PDE1A: variants seen among roughly 807,000 people sequenced by gnomAD.
PDE1A encodes the protein phosphodiesterase 1A.
In PDE1A, 35 loss-of-function variants were observed where a neutral mutation model predicts 61.7. That is an observed-to-expected ratio of 0.57 (90% CI 0.43 to 0.75). The LOEUF is 0.75. Ranked by LOEUF, PDE1A falls within the 30% of genes least tolerant of loss-of-function variation. PDE1A has a pLI of 0.00. For synonymous variants in PDE1A, 232 were observed against 213.2 expected (o/e 1.09, Z -0.77); for missense variants, 597 against 630.6 (o/e 0.95, Z 0.57).
At chr2:182,601,101 C>G in the PDE1A span, among the ~76,000 whole-genome samples, 1 of 152,250 alleles carries the variant, frequency 6.6e-6, no homozygotes, top group African/African-American at 2.4e-5. Flanking sequence ...CCAGCTTGTT[C>G]CACCCACTCG....
intron 1 of PDE1A, among the ~76,000 whole-genome samples, chr2:182,293,633 A>G (rs1001368807): frequency 5.3e-5 from 8 of 152,152 alleles, no homozygotes; most frequent in Non-Finnish European, 1.2e-4. Context: ...GTCTGAAACT[A>G]CAGAAAGTAC....
At chr2:182,140,913 A>G (rs1467915164) in exon 15 of PDE1A, 1 of 152,024 alleles carries the variant, frequency 6.6e-6, no homozygotes, top group East Asian at 1.9e-4. Flanking sequence ...TAAGTACAGC[A>G]GTAGCATGAC....
chr2:182,187,475 A>T (rs1685307584), intron 11 of PDE1A, among the ~76,000 whole-genome samples: 1 of 152,174 alleles, frequency 6.6e-6, no homozygotes, highest in Non-Finnish European at 1.5e-5. Flanking sequence ...AGAGCAATGG[A>T]CTACCACCTG....
chr2:182,281,309 G>GA (rs1383451343), intron 1 of PDE1A, among the ~76,000 whole-genome samples: 2 of 151,804 alleles, frequency 1.3e-5, no homozygotes, highest in Admixed American at 6.6e-5. Flanking sequence ...ATGTCCAGTG[G>GA]AAAGAAATGC....
At chr2:182,158,326 CTGTCCTG>C in intron 13 of PDE1A, among the ~76,000 whole-genome samples, 2 of 152,222 alleles carry the variant, frequency 1.3e-5, no homozygotes, top group South Asian at 4.1e-4. Context: ...AACAGGTTAA[CTGTCCTG>C]ATGGAGGCAA....
intron 2 of PDE1A, among the ~76,000 whole-genome samples, chr2:182,432,124 C>T (rs1218341912): frequency 9.9e-5 from 15 of 152,046 alleles, no homozygotes. Context: ...CCTTCAACTC[C>T]CTGTATGTCA....
chr2:182,302,863 A>C (rs1695335918), intron 1 of PDE1A, among the ~76,000 whole-genome samples: 1 of 152,164 alleles, frequency 6.6e-6, no homozygotes, highest in Non-Finnish European at 1.5e-5. Context: ...AACAATGTTC[A>C]CAGCATCTTC....
chr2:182,548,951 A>C, the PDE1A span, among the ~76,000 whole-genome samples: 5 of 152,234 alleles, frequency 3.3e-5, no homozygotes, highest in Non-Finnish European at 5.9e-5. Context: ...GGAAGCAGAG[A>C]TGTGTTTAAG....
chr2:182,448,421 T>A (rs544581485), intron 2 of PDE1A, among the ~76,000 whole-genome samples: 48 of 152,190 alleles, frequency 3.2e-4, no homozygotes, highest in African/African-American at 1.1e-3. Context: ...ATGTTTCCCT[T>A]GTTGAAGTCT....
downstream of PDE1A, among the ~76,000 whole-genome samples, chr2:182,164,433 C>T (rs1363960524): frequency 6.6e-6 from 1 of 152,048 alleles, no homozygotes; most frequent in Non-Finnish European, 1.5e-5. Flanking sequence ...GTGTATAGAC[C>T]TCTCTGAGTG....
Position 182,250,565 on chromosome 2 carries a change from T to A in PDE1A, c.168-10273A>T, listed in dbSNP as rs534603033. On this transcript the variant is annotated intron_variant, in intron 2 of 13. Transcript: ENST00000351439. ...CCAATTTATCTCAATAGCTTTTTTT[T>A]AAAAAAAAGTTTCCTGATAGATTTG... is the stretch of plus-strand genomic sequence containing the variant. Among the ~76,000 whole-genome samples the A allele has an allele frequency of 2.4e-4, 36 of 152,076 alleles. 1 individual carries two copies. The highest frequency in any genetic ancestry group is 7.7e-4 in the East Asian group (4 of 5,186).
chr2:182,696,186 T>G, the PDE1A span, among the ~76,000 whole-genome samples: 2 of 152,342 alleles, frequency 1.3e-5, no homozygotes, highest in African/African-American at 4.8e-5. Flanking sequence ...ACTTTATTCA[T>G]AATTGCCAAA....
intron 2 of PDE1A, among the ~76,000 whole-genome samples, chr2:182,476,463 T>C (rs1403924276): frequency 6.6e-6 from 1 of 151,930 alleles, no homozygotes; most frequent in African/African-American, 2.4e-5. Flanking sequence ...CACTCAAACC[T>C]GGGCAACAAA....
intron 8 of PDE1A, among the ~76,000 whole-genome samples, chr2:182,203,366 T>TCATGAG (rs1252066858): frequency 1.3e-5 from 2 of 152,026 alleles, no homozygotes; most frequent in African/African-American, 4.8e-5. Flanking sequence ...TTGCTGAAAA[T>TCATGAG]CATGAGCACT....
chr2:182,491,588 GTCCTAAGAAGAAAGACGAAATA>G, intron 2 of PDE1A, among the ~76,000 whole-genome samples: 1 of 152,322 alleles, frequency 6.6e-6, no homozygotes, highest in Admixed American at 6.5e-5. Flanking sequence ...CTGGACATTT[GTCCTAAGAAGAAAGACGAAATA>G]TGGGAAAGCT....
chr2:182,148,203 A>C (rs1196058), intron 13 of PDE1A, among the ~76,000 whole-genome samples: 114,161 of 152,032 alleles, frequency 0.75, 43,156 homozygotes, highest in East Asian at 0.9. Flanking sequence ...TCATGTAATA[A>C]ACATCGTCAA....
the PDE1A span, among the ~76,000 whole-genome samples, chr2:182,577,834 C>A: frequency 6.6e-6 from 1 of 151,946 alleles, no homozygotes; most frequent in South Asian, 2.1e-4. Context: ...GTAGGAGAAT[C>A]GCTTGAACCT....
intron 1 of PDE1A, among the ~76,000 whole-genome samples, chr2:182,298,670 A>C (rs1695045258): frequency 6.6e-6 from 1 of 152,078 alleles, no homozygotes; most frequent in South Asian, 2.1e-4. Flanking sequence ...TTACCTCATT[A>C]CTTCCAGAAA....
chr2:182,565,676 T>A, the PDE1A span, among the ~76,000 whole-genome samples: 1 of 152,152 alleles, frequency 6.6e-6, no homozygotes. Flanking sequence ...ACTGTTCTTT[T>A]TTGGAAGAAA....
Sources: gnomAD v4.1 joint callset for allele counts (sites outside exome capture counted in the v4.1 genomes callset) on GRCh38, gnomAD v4.1.1 for gene constraint, MANE v1.5 for transcripts, NCBI Gene and HGNC (gene_info 2026-07-23, HGNC 2026-07-21) for gene names.